TFEC: variants seen among roughly 807,000 people sequenced by gnomAD.
TFEC encodes the protein class E basic helix-loop-helix protein 34.
A neutral mutation model predicts 41.6 loss-of-function variants in TFEC; 31 were observed. The ratio of observed to expected loss-of-function variants is 0.74; its 90% CI spans 0.56 to 1.01. The LOEUF is 1.01. TFEC is among the 50% of genes least tolerant of loss of function. TFEC has a pLI of 0.00. For synonymous variants in TFEC, 143 were observed against 140.6 expected, an observed-to-expected ratio of 1.02 and a Z score of -0.12; for missense variants, 402 against 404.1, an observed-to-expected ratio of 0.99 and a Z score of 0.04.
chr7:115,942,650 G>T (rs1235974602), intron 6 of TFEC, among the ~76,000 whole-genome samples: 2 of 151,808 alleles, frequency 1.3e-5, no homozygotes, highest in Admixed American at 1.3e-4. Flanking sequence ...CTTTTTAAAA[G>T]CTTGATGTGA....
intron 2 of TFEC, 92 bp from the exon 3 acceptor site, chr7:115,974,348 A>G (rs1022584490): frequency 3.9e-5 from 34 of 880,258 alleles, no homozygotes; most frequent in Non-Finnish European, 4.7e-5. Context: ...AGCAATCTTT[A>G]AAAGTTTTTA....
intron 2 of TFEC, among the ~76,000 whole-genome samples, chr7:115,976,824 A>G (rs1350095778): frequency 1.3e-5 from 2 of 152,344 alleles, no homozygotes; most frequent in East Asian, 1.9e-4. Flanking sequence ...AAAGTTACAC[A>G]TAAGTCATTC....
At chr7:116,149,819 T>C (rs752660797) in intron 1 of TFEC, among the ~76,000 whole-genome samples, 2 of 152,184 alleles carry the variant, frequency 1.3e-5, no homozygotes, top group Non-Finnish European at 2.9e-5. Flanking sequence ...AAACTCTTAA[T>C]TTTCAGCCTT....
At chr7:115,962,828 C>G (rs575316922) in intron 3 of TFEC, among the ~76,000 whole-genome samples, 1 of 151,918 alleles carries the variant, frequency 6.6e-6, no homozygotes, top group East Asian at 1.9e-4. Context: ...TTAAACTCAA[C>G]AACAAAAACT....
At chr7:116,047,623 C>T (rs1796201155) in intron 3 of TFEC, among the ~76,000 whole-genome samples, 1 of 152,172 alleles carries the variant, frequency 6.6e-6, no homozygotes, top group Non-Finnish European at 1.5e-5. Flanking sequence ...AGACTTAAAC[C>T]TCCCTGTCTG....
At chr7:116,154,904 A>G (rs1798836520) in intron 1 of TFEC, among the ~76,000 whole-genome samples, 1 of 152,136 alleles carries the variant, frequency 6.6e-6, no homozygotes. Context: ...AAGGGACTGG[A>G]AACCTTTCAC....
intron 1 of TFEC, among the ~76,000 whole-genome samples, chr7:115,996,829 G>A (rs746436965): frequency 1.8e-4 from 28 of 152,150 alleles, no homozygotes; most frequent in Non-Finnish European, 1.2e-4. Flanking sequence ...GGCAGTAATA[G>A]CTTTGGGAGA....
In TFEC at chr7:115,956,761, A is replaced by G; in HGVS notation, c.300T>C (p.Gly100=). The change falls in exon 4 of 8, where the codon GGT becomes GGC. Residue 100 remains glycine, a synonymous_variant. Transcript: ENST00000265440. ...LSGSILDVYS[G]EQGISPINMG... ...TGTTAATTGGTGAAATTCCTTGTTC[A>G]CCGCTATACACATCCAAAATACTTC... 1 of 1,596,774 alleles carries G rather than the reference A, an allele frequency of 6.3e-7. No homozygotes were observed. Among genetic ancestry groups the G allele is most frequent in the Non-Finnish European group, 8.5e-7 (1 of 1,171,382 alleles).
intron 1 of TFEC, among the ~76,000 whole-genome samples, chr7:116,025,858 T>C (rs141285984): frequency 1.7e-3 from 256 of 152,300 alleles, no homozygotes; most frequent in African/African-American, 5.5e-3. Flanking sequence ...CTTTTCAGCC[T>C]CTCTCTTCTT....
At chr7:116,049,654 AC>A (rs1365255261) in intron 3 of TFEC, among the ~76,000 whole-genome samples, 1 of 152,220 alleles carries the variant, frequency 6.6e-6, no homozygotes, top group East Asian at 1.9e-4. Flanking sequence ...AGAACTCTCC[AC>A]CACAAATCAA....
chr7:116,065,356 C>A (rs2131004089), intron 3 of TFEC, among the ~76,000 whole-genome samples: 1 of 152,196 alleles, frequency 6.6e-6, no homozygotes, highest in Middle Eastern at 3.4e-3. Flanking sequence ...GGAAATTAAT[C>A]ATGGTTTACC....
At chr7:116,118,029 A>T (rs1435497371) in intron 1 of TFEC, among the ~76,000 whole-genome samples, 2 of 151,896 alleles carry the variant, frequency 1.3e-5, no homozygotes, top group Non-Finnish European at 2.9e-5. Flanking sequence ...CACTAAAAGC[A>T]TCTAAAATGA....
intron 1 of TFEC, among the ~76,000 whole-genome samples, chr7:116,129,978 T>C (rs915419152): frequency 6.6e-6 from 1 of 151,688 alleles, no homozygotes; most frequent in African/African-American, 2.4e-5. Context: ...CTATGATGCT[T>C]ATTATTCAGT....
At chr7:115,943,543 G>A (rs180778597) in intron 6 of TFEC, among the ~76,000 whole-genome samples, 2 of 149,678 alleles carry the variant, frequency 1.3e-5, no homozygotes, top group Admixed American at 1.3e-4. Flanking sequence ...TGTACCTGAT[G>A]TCACTTACAA....
chr7:115,947,793 A>C (rs372246010), intron 6 of TFEC, among the ~76,000 whole-genome samples: 59 of 151,692 alleles, frequency 3.9e-4, no homozygotes, highest in Admixed American at 1.4e-3. Flanking sequence ...AAATTTGTTT[A>C]AGTTCATTGT....
At chr7:115,968,125 C>A in intron 3 of TFEC, 1 of 1,462,302 alleles carries the variant, frequency 6.8e-7, no homozygotes, top group South Asian at 1.4e-5. Context: ...AGTTTAAATT[C>A]AGTATTTAAG....
chr7:115,956,504 G>A (rs1792237543), intron 4 of TFEC, among the ~76,000 whole-genome samples, 175 bp downstream of exon 4: 2 of 151,740 alleles, frequency 1.3e-5, no homozygotes, highest in East Asian at 3.9e-4. Flanking sequence ...CAAACTATAA[G>A]TTATTTTAAC....
intron 3 of TFEC, among the ~76,000 whole-genome samples, chr7:116,072,540 A>G (rs1326378428): frequency 1.3e-5 from 2 of 151,674 alleles, no homozygotes; most frequent in African/African-American, 4.8e-5. Context: ...GTATTCAGCT[A>G]AAGTATGGTA....
intron 3 of TFEC, among the ~76,000 whole-genome samples, chr7:116,108,300 T>G (rs1299656658): frequency 6.6e-6 from 1 of 152,182 alleles, no homozygotes; most frequent in Non-Finnish European, 1.5e-5. Flanking sequence ...GCAAGTATTA[T>G]TGATATAGCT....
Sources: gnomAD v4.1 joint callset for allele counts (sites outside exome capture counted in the v4.1 genomes callset) on GRCh38, gnomAD v4.1.1 for gene constraint, MANE v1.5 for transcripts, NCBI Gene and HGNC (gene_info 2026-07-23, HGNC 2026-07-21) for gene names.